Variants in TLK2 observed in about 807,000 individuals in gnomAD.
TLK2 encodes the protein tousled like kinase 2.
Under a neutral mutation model 117.3 loss-of-function variants are expected in TLK2, and 6 were observed. The observed-to-expected ratio is 0.05, with a 90% CI of 0.03 to 0.10. TLK2 has a LOEUF of 0.10. Ranked by LOEUF, TLK2 falls within the 10% of genes least tolerant of loss-of-function variation. The pLI is 1.00. For missense variants in TLK2, 299 were observed against 901.2 expected, an observed-to-expected ratio of 0.33 and a Z score of 8.56; for synonymous variants, 257 against 316.7, an observed-to-expected ratio of 0.81 and a Z score of 2.00.
chr17:62,549,227 T>G, intron 7 of TLK2, among the ~76,000 whole-genome samples: 1 of 144,522 alleles, frequency 6.9e-6, no homozygotes, highest in East Asian at 2.1e-4. Flanking sequence ...ACACCGTCTG[T>G]ACTAAAAAAA....
intron 3 of TLK2, among the ~76,000 whole-genome samples, chr17:62,521,246 G>T (rs2076025994): frequency 6.6e-6 from 1 of 152,166 alleles, no homozygotes; most frequent in African/African-American, 2.4e-5. Flanking sequence ...TGTGCTCTTT[G>T]CATACGTACA....
chr17:62,578,336 A>T (rs2080967540), intron 13 of TLK2, 141 bp from the exon 14 acceptor site: 1 of 687,438 alleles, frequency 1.5e-6, no homozygotes, highest in African/African-American at 1.8e-5. Flanking sequence ...TTTATGATTA[A>T]AATTCTTAAA....
intron 16 of TLK2, among the ~76,000 whole-genome samples, chr17:62,594,861 C>T (rs574302370): frequency 2.0e-5 from 3 of 152,034 alleles, no homozygotes; most frequent in Non-Finnish European, 4.4e-5. Flanking sequence ...GAACCCAACA[C>T]ATGTGCCTTT....
At chr17:62,552,543 T>A in intron 8 of TLK2, 146 bp downstream of exon 8, 1 of 1,392,470 alleles carries the variant, frequency 7.2e-7, no homozygotes, top group Non-Finnish European at 9.6e-7. Flanking sequence ...ATAACTTGCA[T>A]TATGGGTATT....
intron 11 of TLK2, among the ~76,000 whole-genome samples, chr17:62,571,435 G>A (rs556709302): frequency 5.3e-5 from 8 of 150,198 alleles, no homozygotes; most frequent in African/African-American, 1.2e-4. Context: ...TTTTTTTTTC[G>A]TGTATTTTCA....
At chr17:62,588,639 G>C (rs1215001140) in intron 16 of TLK2, among the ~76,000 whole-genome samples, 1 of 152,036 alleles carries the variant, frequency 6.6e-6, no homozygotes, top group Admixed American at 6.6e-5. Context: ...TGCTTGGGCA[G>C]CTGGGGGGAG....
chr17:62,528,213 T>C (rs1489154584), intron 6 of TLK2, among the ~76,000 whole-genome samples: 1 of 152,180 alleles, frequency 6.6e-6, no homozygotes, highest in Admixed American at 6.5e-5. Context: ...ACACAATAGG[T>C]GTTCAAAATT....
intron 12 of TLK2, chr17:62,574,240 G>C: frequency 6.9e-7 from 1 of 1,457,338 alleles, no homozygotes. Flanking sequence ...TAGTGAGAAA[G>C]ATGGCTTAAC....
intron 9 of TLK2, among the ~76,000 whole-genome samples, chr17:62,558,355 G>T (rs1567916430): frequency 6.6e-6 from 1 of 151,980 alleles, no homozygotes; most frequent in Non-Finnish European, 1.5e-5. Context: ...AGAGACTAAG[G>T]TTTTGCCATG....
rs1420407649 is a variant in TLK2 at position 62,613,309 on chromosome 17, TTGAG to T, written c.*747_*750del. 6.6e-6 allele frequency: 1 copy of T among 152,574 alleles called. No individual in the cohort carries two copies. The highest frequency in any genetic ancestry group is 1.5e-5 in the Non-Finnish European group (1 of 68,028). 9.5% of individuals were successfully genotyped at this position (152,574 alleles called of 1,614,324 possible). A position where few individuals can be genotyped will look rare whatever the true frequency, so the allele number is the denominator to read the frequency against. On this transcript the variant is annotated 3_prime_UTR_variant, in exon 22 of 22. Coordinates refer to ENST00000346027, the MANE Select transcript of TLK2 (RefSeq NM_006852.6). The stretch of plus-strand genomic sequence containing the variant: ...TTCCCTCATCTCAGTAGGGAAAAAA[TTGAG>T]TGGGAGTACTGAGATGTGTGGGTTT...
intron 7 of TLK2, chr17:62,549,622 T>G (rs910239876): frequency 3.3e-5 from 5 of 151,570 alleles, no homozygotes; most frequent in African/African-American, 1.2e-4. Flanking sequence ...ATTTAGTTAT[T>G]TGGAATTATA....
Position 62,499,161 on chromosome 17 carries a change from C to T in TLK2, c.81+17955C>T, listed in dbSNP as rs375831951. Among the ~76,000 whole-genome samples, 5 of 151,646 alleles carry T rather than the reference C, an allele frequency of 3.3e-5. No individual in the cohort carries two copies. In the East Asian group the frequency reaches 7.9e-4, roughly 24 times the overall value. ...TTCGAGACCAGCCTGGCGACCACGG[C>T]AAAACCCTGTCTCTACTAAAAACAT... On this transcript the variant is annotated intron_variant, in intron 2 of 21. Coordinates refer to ENST00000346027, the MANE Select transcript of TLK2 (RefSeq NM_006852.6).
intron 2 of TLK2, among the ~76,000 whole-genome samples, chr17:62,502,983 A>T (rs1206122762): frequency 6.6e-6 from 1 of 152,078 alleles, no homozygotes; most frequent in Non-Finnish European, 1.5e-5. Context: ...TGCCCTCATA[A>T]AATTTATAAT....
rs568412253 is a variant in TLK2 at position 62,580,486 on chromosome 17, TCATA to T, written c.1368+299_1368+302del. On this transcript the variant is annotated intron_variant, in intron 15 of 21. Transcript: ENST00000346027. ...TTATTCTGGTTCTGTACTTCCTGCC[TCATA>T]CATATTTGTTAGAAAAAAGTATGTG... 1.1e-4 allele frequency among the ~76,000 whole-genome samples: 17 copies of T among 152,344 alleles called. No individual in the cohort carries two copies. The South Asian group carries it at 3.5e-3, about 32-fold the overall frequency.
At chr17:62,550,925 TCTC>T (rs1567901935) in intron 7 of TLK2, 1 of 152,442 alleles carries the variant, frequency 6.6e-6, no homozygotes, top group Non-Finnish European at 1.5e-5. Flanking sequence ...CTCAAGCAAT[TCTC>T]CTGCCTCAGC....
chr17:62,507,545 T>C (rs1299294222), intron 2 of TLK2: 1 of 152,212 alleles, frequency 6.6e-6, no homozygotes. Flanking sequence ...AGTTTGACTT[T>C]GTTGGCAGCT....
chr17:62,476,964 C>A (rs1169435742), upstream of TLK2, among the ~76,000 whole-genome samples: 1 of 151,954 alleles, frequency 6.6e-6, no homozygotes, highest in Non-Finnish European at 1.5e-5. Flanking sequence ...GTAGCGCGTG[C>A]CTGTAATCCC....
chr17:62,520,625 C>A (rs2430926), intron 2 of TLK2, 148 bp from the exon 3 acceptor site: 1 of 682,602 alleles, frequency 1.5e-6, no homozygotes, highest in East Asian at 4.2e-5. Flanking sequence ...TGCAGTGAGC[C>A]GAGATCACGC....
At position 62,596,692 on chromosome 17, in the gene TLK2, T is replaced by C. The variant is rs1383129344; in HGVS notation, c.1550+18T>C. 1 of 1,601,724 alleles carries C rather than the reference T, an allele frequency of 6.2e-7. No individual in the cohort carries two copies. Among genetic ancestry groups the C allele is most frequent in the South Asian group, 1.1e-5 (1 of 90,806 alleles). On this transcript the variant is annotated intron_variant, in intron 17 of 21. Coordinates refer to ENST00000346027, the MANE Select transcript of TLK2 (RefSeq NM_006852.6). ...ACTGACTCGTAAGTGCTGTGCTGTT[T>C]TACCTTAACAGTTATATTATTTTCT...
Sources: allele counts gnomAD v4.1 joint callset (sites outside exome capture counted in the v4.1 genomes callset), GRCh38; gene constraint gnomAD v4.1.1; transcripts MANE v1.5; gene names NCBI Gene and HGNC (gene_info 2026-07-23, HGNC 2026-07-21).